EPG5: variants seen among roughly 807,000 people sequenced by gnomAD.
EPG5 encodes the protein ectopic P granules protein 5 homolog.
Under a neutral mutation model 302.7 loss-of-function variants are expected in EPG5, and 159 were observed. The observed-to-expected ratio is 0.53, with a 90% confidence interval of 0.46 to 0.60. The LOEUF (loss-of-function observed/expected upper bound fraction) is 0.60. EPG5 is among the 20% of genes least tolerant of loss of function. The probability of loss-of-function intolerance (pLI) is 0.00; values close to 1 mark genes in which losing one functional copy is unlikely to be tolerated. For synonymous variants in EPG5, 1,158 were observed against 1,136.8 expected (o/e 1.02, Z -0.37); for missense variants, 2,896 against 3,092.4 (o/e 0.94, Z 1.51).
intron 39 of EPG5, among the ~76,000 whole-genome samples, chr18:45,864,189 T>C (rs1262958664): frequency 6.6e-6 from 1 of 152,142 alleles, no homozygotes; most frequent in Non-Finnish European, 1.5e-5. Flanking sequence ...CATTGCACAC[T>C]GTGGCCTCGA....
rs777286012 is a variant in EPG5, at chr18:45,916,165, G to C, written c.3426C>G (p.Pro1142=). The part of the protein sequence containing the change: ...SVSTQPNEVG[P]VAVLEFWVQA... Reference sequence around the variant, plus strand: ...GAACCCAGAACTCCAACACAGCAACGGGGCCCACTTCATTGGGCTGAGTGC... The same window carrying C: ...GAACCCAGAACTCCAACACAGCAACCGGGCCCACTTCATTGGGCTGAGTGC... The change falls in exon 19 of 44, where the codon CCC becomes CCG. Residue 1142 remains proline (P), a synonymous_variant. Transcript: ENST00000282041. 9 of 1,613,988 alleles carry C rather than the reference G, an allele frequency of 5.6e-6. No homozygotes were observed. The South Asian group carries it at 8.8e-5, about 16-fold the overall frequency.
chr18:45,922,449 A>C lies in EPG5; in HGVS notation c.2990T>G (p.Val997Gly). 6.2e-7 allele frequency: 1 copy of C among 1,614,246 alleles called. No homozygotes were observed. The change falls in exon 16 of 44, where the codon GTG (valine) becomes GGG (glycine). Residue 997 changes from valine to glycine, a missense_variant. Transcript: ENST00000282041. ...CGTGGGTGACTCTGTCATGTCAGGCACAGTGACGGAGAAGGGAACAGCTGG... is the reference window on the plus strand; with the variant it reads ...CGTGGGTGACTCTGTCATGTCAGGCCCAGTGACGGAGAAGGGAACAGCTGG... ...NCPAVPFSVT[V>G]PDMTESPTFH... is the part of the protein sequence containing the mutation.
intron 40 of EPG5, among the ~76,000 whole-genome samples, 155 bp downstream of exon 40, chr18:45,859,949 C>T (rs899364760): frequency 2.0e-5 from 3 of 152,176 alleles, no homozygotes; most frequent in East Asian, 1.9e-4. Context: ...ATGAAAAATA[C>T]GTATATTCAG....
chr18:45,837,376 G>T, the EPG5 span: 88 of 1,296,504 alleles, frequency 6.8e-5, 1 homozygote, highest in East Asian at 2.5e-3. Context: ...CCTGGAAGTG[G>T]GGGACGATCC....
At chr18:45,866,531 A>G (rs1172086875) in intron 38 of EPG5, among the ~76,000 whole-genome samples, 3 of 152,098 alleles carry the variant, frequency 2.0e-5, no homozygotes, top group Non-Finnish European at 2.9e-5. Context: ...TGCCAATGAC[A>G]TTCAGATCAT....
At chr18:45,832,767 A>ACAG in the EPG5 span, among the ~76,000 whole-genome samples, 1 of 152,206 alleles carries the variant, frequency 6.6e-6, no homozygotes, top group Non-Finnish European at 1.5e-5. Flanking sequence ...ATAAGCTGCC[A>ACAG]GAGGGAATTG....
In EPG5 at chr18:45,901,158, CT is replaced by C; in HGVS notation, c.4483del (p.Arg1495GlyfsTer3). On this transcript the variant is annotated frameshift_variant, in exon 26 of 44. Coordinates refer to ENST00000282041, the MANE Select transcript of EPG5 (RefSeq NM_020964.3). LOFTEE classifies it high-confidence loss of function. ...DFTDPLLAKE[R>X]VLSNLRKHEA... ...ATGCTTCCGCAAGTTACTTAAAACC[CT>C]TTCTTTAGCTGAAAGAAAATTAAGT... The C allele has an allele frequency of 6.2e-7, 1 of 1,613,944 alleles. No individual in the cohort carries two copies. Among genetic ancestry groups the C allele is most frequent in the Non-Finnish European group, 8.5e-7 (1 of 1,179,980 alleles).
chr18:45,916,136 G>C lies in EPG5; in HGVS notation c.3455C>G (p.Ala1152Gly), dbSNP rs1463142683. ...PVAVLEFWVQ[A>G]LISQHLWYRE... is the part of the protein sequence containing the mutation. ...GTACCAGAGATGCTGGCTTATGAGA[G>C]CCTGAACCCAGAACTCCAACACAGC... is the stretch of plus-strand genomic sequence containing the variant. The change falls in exon 19 of 44, where the codon GCT (alanine) becomes GGT (glycine). Residue 1152 changes from alanine (A) to glycine (G), a missense_variant. Coordinates refer to ENST00000282041, the MANE Select transcript of EPG5 (RefSeq NM_020964.3). The C allele has an allele frequency of 1.9e-6, 3 of 1,614,142 alleles. No homozygotes were observed. The Admixed American group carries it at 5.0e-5, about 27-fold the overall frequency.
rs2050978658 is a variant in EPG5 at position 45,954,436 on chromosome 18, T to C, written c.966A>G (p.Lys322=). Residue 322 remains lysine (K), a synonymous_variant, in exon 2 of 44, where the codon AAA becomes AAG. Transcript: ENST00000282041. ...LTLTSDCQNA[K]SRLWQFKEEQ... is the part of the protein sequence containing the mutation. ...CCTCCTTAAACTGCCACAGCCGACT[T>C]TTAGCATTTTGGCAATCAGATGTCA... 3 of 1,613,676 alleles carry C rather than the reference T, an allele frequency of 1.9e-6. No homozygotes were observed. In the South Asian group the frequency reaches 3.3e-5, roughly 18 times the overall value.
At position 45,913,881 on chromosome 18, in the gene EPG5, G is replaced by A. The variant is rs544961205; in HGVS notation, c.3694-53C>T. ...GGAAGGAGGAGCTCGCCCCACTGACGAAATACATCCTGATATTCCACAATT... is the reference window on the plus strand; with the variant it reads ...GGAAGGAGGAGCTCGCCCCACTGACAAAATACATCCTGATATTCCACAATT... On this transcript the variant is annotated intron_variant, in intron 20 of 43. Coordinates refer to ENST00000282041, the MANE Select transcript of EPG5 (RefSeq NM_020964.3). The A allele has an allele frequency of 5.0e-5, 80 of 1,591,544 alleles. No homozygotes were observed. The African/African-American group carries it at 5.9e-4, about 12-fold the overall frequency.
chr18:45,936,042 T>C (rs2050515718), intron 10 of EPG5, among the ~76,000 whole-genome samples: 2 of 152,182 alleles, frequency 1.3e-5, no homozygotes, highest in Non-Finnish European at 2.9e-5. Flanking sequence ...ACCTGGAGAC[T>C]TTCTGGAAAA....
Position 45,882,269 on chromosome 18 carries a change from C to T in EPG5, c.5518+5G>A. ...AGTTAGTTACAATTAAATGAAGACA[C>T]TTACTTTGCATAAGCAGCCTGAGAA... On this transcript the variant is annotated splice_donor_5th_base_variant and intron_variant, in intron 31 of 43. Coordinates refer to ENST00000282041, the MANE Select transcript of EPG5 (RefSeq NM_020964.3). 1 of 1,608,918 alleles carries T rather than the reference C, an allele frequency of 6.2e-7. No homozygotes were observed. The highest frequency in any genetic ancestry group is 1.1e-5 in the South Asian group (1 of 90,954).
In EPG5 at chr18:45,929,124, G is replaced by T. The variant is rs146971955; in HGVS notation, c.2413-115C>A. On this transcript the variant is annotated intron_variant, in intron 12 of 43. Coordinates refer to ENST00000282041, the MANE Select transcript of EPG5 (RefSeq NM_020964.3). Reference sequence around the variant, plus strand: ...AAGAATCTTACATTGAGCCTTAATTGACACTATGTTCCAAAAAATGTTAAA... The same window carrying T: ...AAGAATCTTACATTGAGCCTTAATTTACACTATGTTCCAAAAAATGTTAAA... The T allele has an allele frequency of 2.1e-4, 230 of 1,090,484 alleles. 1 individual carries two copies. The East Asian group carries it at 5.7e-3, about 27-fold the overall frequency. The allele number at this position is 1,090,484 out of a possible 1,614,324, so 67.6% of individuals were successfully genotyped here.
the EPG5 span, among the ~76,000 whole-genome samples, chr18:45,803,299 C>A: frequency 6.6e-6 from 1 of 152,084 alleles, no homozygotes; most frequent in East Asian, 1.9e-4. Flanking sequence ...GCTGAGTAAA[C>A]GCTTACTGTA....
chr18:45,822,582 A>C, the EPG5 span, among the ~76,000 whole-genome samples: 3 of 152,218 alleles, frequency 2.0e-5, no homozygotes, highest in African/African-American at 7.2e-5. Context: ...ATAAATGTTT[A>C]AGATGATGGA....
the EPG5 span, chr18:45,838,787 C>T: frequency 1.9e-6 from 3 of 1,565,948 alleles, no homozygotes; most frequent in Admixed American, 3.6e-5. Context: ...CTCTGCACTG[C>T]CGAAGGGGAG....
At chr18:45,869,407 A>G (rs747689871) in intron 36 of EPG5, among the ~76,000 whole-genome samples, 8 of 152,320 alleles carry the variant, frequency 5.3e-5, no homozygotes, top group Non-Finnish European at 1.0e-4. Flanking sequence ...ACAAGACACA[A>G]AGAATTAAAA....
intron 1 of EPG5, among the ~76,000 whole-genome samples, chr18:45,959,796 A>G (rs2143862298): frequency 6.6e-6 from 1 of 152,164 alleles, no homozygotes; most frequent in Middle Eastern, 3.4e-3. Context: ...CCTGACCAAC[A>G]TGGTGAAGCC....
intron 6 of EPG5, among the ~76,000 whole-genome samples, chr18:45,948,156 T>C (rs527778440): frequency 6.6e-6 from 1 of 152,326 alleles, no homozygotes; most frequent in African/African-American, 2.4e-5. Context: ...TCATTTCTAT[T>C]GCATAGCTTC....
Sources: allele counts gnomAD v4.1 joint callset (sites outside exome capture counted in the v4.1 genomes callset), GRCh38; gene constraint gnomAD v4.1.1; transcripts MANE v1.5; gene names NCBI Gene and HGNC (gene_info 2026-07-23, HGNC 2026-07-21).